FBXO10: variants seen among roughly 807,000 people sequenced by gnomAD.
FBXO10 encodes the protein F-box protein 10.
FBXO10 carries 39 observed loss-of-function variants against 80.7 expected under a neutral mutation model. The observed-to-expected ratio is 0.48, with a 90% confidence interval of 0.37 to 0.63. The LOEUF is 0.63. Ranked by LOEUF, FBXO10 falls within the 30% of genes least tolerant of loss-of-function variation. The probability of loss-of-function intolerance (pLI) is 0.00; values close to 1 mark genes in which losing one functional copy is unlikely to be tolerated. For synonymous variants in FBXO10, 449 were observed against 489.6 expected (o/e 0.92, Z 1.09); for missense variants, 1,025 against 1,269.0 (o/e 0.81, Z 2.92).
intron 1 of FBXO10, among the ~76,000 whole-genome samples, chr9:37,555,021 A>T (rs79775174): frequency 0.025 from 3,747 of 152,312 alleles, 66 homozygotes; most frequent in Middle Eastern, 0.068. Flanking sequence ...CCAAGAAAGA[A>T]TAAGAAACAC....
chr9:37,537,291 T>A lies in FBXO10; in HGVS notation c.1238A>T (p.Glu413Val), dbSNP rs1419995693. The A allele has an allele frequency of 1.2e-6, 2 of 1,613,188 alleles. No individual in the cohort carries two copies. Among genetic ancestry groups the A allele is most frequent in the African/African-American group, 1.3e-5 (1 of 74,924 alleles). The change falls in exon 3 of 11, where the codon GAG becomes GTG. Residue 413 changes from glutamate to valine, a missense_variant. This residue lies in a region of FBXO10 where 478 missense variants were observed against 667.8 expected (regional missense o/e 0.72). Transcript: ENST00000432825. Reference sequence around the variant, plus strand: ...CATGGCCTCCTTATCCTTCTGCAGCTCCTGCTGCAGTGAGTTCAGCACTAG... The same window carrying A: ...CATGGCCTCCTTATCCTTCTGCAGCACCTGCTGCAGTGAGTTCAGCACTAG... ...SCLVLNSLQQ[E>V]LQKDKEAMAL...
Position 37,525,160 on chromosome 9 carries a change from G to T in FBXO10, c.1719C>A (p.Ile573=). Residue 573 remains isoleucine, a synonymous_variant, in exon 6 of 11, where the codon ATC becomes ATA. Coordinates refer to ENST00000432825, the MANE Select transcript of FBXO10 (RefSeq NM_012166.3). ...HGNPVVSGNH[I]FKGRAAGIAV... is the part of the protein sequence containing the mutation. ...CTATGCCGGCAGCACGGCCCTTGAA[G>T]ATGTGGTTCCCGCTAAAGTGGAAGG... is the stretch of plus-strand genomic sequence containing the variant. 1 of 1,562,870 alleles carries T rather than the reference G, an allele frequency of 6.4e-7. No individual in the cohort carries two copies. The highest frequency in any genetic ancestry group is 8.7e-7 in the Non-Finnish European group (1 of 1,153,394).
chr9:37,543,145 G>A (rs1260572546), intron 1 of FBXO10, among the ~76,000 whole-genome samples: 1 of 152,178 alleles, frequency 6.6e-6, no homozygotes, highest in Non-Finnish European at 1.5e-5. Context: ...GTTATCCTGA[G>A]CAGTTAATTG....
intron 1 of FBXO10, among the ~76,000 whole-genome samples, chr9:37,562,966 G>C (rs1317165596): frequency 1.4e-5 from 2 of 147,728 alleles, no homozygotes; most frequent in Non-Finnish European, 3.0e-5. Flanking sequence ...GCCTGATATG[G>C]TTTGGCTGTG....
At chr9:37,545,298 T>A in intron 1 of FBXO10, among the ~76,000 whole-genome samples, 1 of 147,262 alleles carries the variant, frequency 6.8e-6, no homozygotes, top group East Asian at 2.2e-4. Flanking sequence ...TGCCTCAGCC[T>A]CCTGAGTAGC....
chr9:37,545,944 C>T (rs1040838563), intron 1 of FBXO10, among the ~76,000 whole-genome samples: 1 of 152,034 alleles, frequency 6.6e-6, no homozygotes, highest in Admixed American at 6.6e-5. Context: ...GTCGGGAGTT[C>T]AAGAACAGCC....
intron 1 of FBXO10, among the ~76,000 whole-genome samples, chr9:37,553,158 C>G (rs1054913163): frequency 2.0e-5 from 3 of 152,078 alleles, no homozygotes; most frequent in African/African-American, 7.2e-5. Context: ...TCTCCTGCCT[C>G]AGCCTCCCGA....
intron 10 of FBXO10, chr9:37,515,225 G>T (rs1821153414): frequency 6.6e-6 from 1 of 152,332 alleles, no homozygotes; most frequent in Admixed American, 6.5e-5. Flanking sequence ...GAAGCAACTG[G>T]AACAGCTGTG....
chr9:37,528,538 C>A (rs191641672), intron 5 of FBXO10, among the ~76,000 whole-genome samples: 65 of 152,284 alleles, frequency 4.3e-4, no homozygotes, highest in African/African-American at 1.6e-3. Flanking sequence ...CAAAGTCTGA[C>A]TCTGATGCTA....
chr9:37,571,140 T>C (rs1254013380), intron 1 of FBXO10, among the ~76,000 whole-genome samples: 3 of 152,066 alleles, frequency 2.0e-5, no homozygotes, highest in African/African-American at 7.2e-5. Context: ...AAAAATAAGA[T>C]TGCAAAGAAA....
At chr9:37,533,157 A>AAGTACAGTTG (rs1323481437) in intron 3 of FBXO10, among the ~76,000 whole-genome samples, 1 of 38,594 alleles carries the variant, frequency 2.6e-5, no homozygotes, top group Non-Finnish European at 5.5e-5. Flanking sequence ...TATGTTTAAT[A>AAGTACAGTTG]AGTACAGTTG....
At chr9:37,529,333 C>G in intron 4 of FBXO10, 73 bp from the exon 5 acceptor site, 1 of 1,502,660 alleles carries the variant, frequency 6.7e-7, no homozygotes, top group Non-Finnish European at 9.1e-7. Context: ...AGGTGCCGCC[C>G]ACACCTCCGC....
intron 1 of FBXO10, among the ~76,000 whole-genome samples, chr9:37,564,237 C>T (rs1822551228): frequency 6.6e-6 from 1 of 152,262 alleles, no homozygotes; most frequent in African/African-American, 2.4e-5. Flanking sequence ...GTATAGAAAC[C>T]TCTACTTAGA....
rs929789641 is a variant in FBXO10, at chr9:37,530,089, A to T, written c.1570-829T>A. The stretch of plus-strand genomic sequence containing the variant: ...AGTTTTTCTCTTTCCCATTCCAGTT[A>T]GTTGCTTTTGCACAGTGACTTAATA... On this transcript the variant is annotated intron_variant, in intron 4 of 10. Transcript: ENST00000432825. 3.9e-5 allele frequency among the ~76,000 whole-genome samples: 6 copies of T among 152,348 alleles called. No homozygotes were observed. The East Asian group carries it at 7.7e-4, about 20-fold the overall frequency.
At position 37,512,162 on chromosome 9, in the gene FBXO10, G is replaced by A. The variant is rs898021761; in HGVS notation, c.*385C>T. 6 of 159,310 alleles carry A rather than the reference G, an allele frequency of 3.8e-5. No individual in the cohort carries two copies. The highest frequency in any genetic ancestry group is 1.2e-4 in the African/African-American group (5 of 41,706). The allele number at this position is 159,310 out of a possible 1,614,324, so 9.9% of individuals were successfully genotyped here. A position where few individuals can be genotyped will look rare whatever the true frequency, so the allele number is the denominator to read the frequency against. ...GCAGTTGTCTCTCTCCACCTCACTA[G>A]AATCACTTCCCGCCATCAGAAGTAA... On this transcript the variant is annotated 3_prime_UTR_variant, in exon 11 of 11. Coordinates refer to ENST00000432825, the MANE Select transcript of FBXO10 (RefSeq NM_012166.3).
At chr9:37,575,296 C>G (rs909626152) in intron 1 of FBXO10, among the ~76,000 whole-genome samples, 10 of 152,014 alleles carry the variant, frequency 6.6e-5, no homozygotes, top group African/African-American at 2.4e-4. Context: ...AAAGGGGGCC[C>G]AGAATGAGAA....
chr9:37,521,445 G>A, intron 8 of FBXO10, 124 bp downstream of exon 8: 1 of 1,223,876 alleles, frequency 8.2e-7, no homozygotes, highest in Non-Finnish European at 1.1e-6. Flanking sequence ...ACCCAGGTTT[G>A]CATCTTTGAC....
rs1336417067 is a variant in FBXO10, at chr9:37,521,640, T to C, written c.2129A>G (p.Lys710Arg). 1 of 1,613,990 alleles carries C rather than the reference T, an allele frequency of 6.2e-7. No individual in the cohort carries two copies. Among genetic ancestry groups the C allele is most frequent in the Non-Finnish European group, 8.5e-7 (1 of 1,179,880 alleles). Reference protein sequence around the residue: ...DAILWETELEKEDDPLRRPIT... With the variant: ...DAILWETELEREDDPLRRPIT... ...GGGCCGGCGCAGTGGGTCGTCCTCC[T>C]TCTCCAGCTCTGTCTCCCAGAGGAT... The change falls in exon 8 of 11, where the codon AAG becomes AGG. Residue 710 changes from lysine (K) to arginine (R), a missense_variant. Around this residue, in one of 3 missense-constraint regions of FBXO10, gnomAD observed 478 missense variants for 667.8 expected, o/e 0.72. Transcript: ENST00000432825.
intron 8 of FBXO10, among the ~76,000 whole-genome samples, chr9:37,518,932 C>T (rs552757886): frequency 1.1e-4 from 15 of 141,672 alleles, no homozygotes; most frequent in Non-Finnish European, 1.5e-5. Context: ...TTTTTTGAGA[C>T]GGAGTCTCGC....
Sources: gnomAD v4.1 joint callset for allele counts (sites outside exome capture counted in the v4.1 genomes callset) on GRCh38, gnomAD v4.1.1 for gene constraint, gnomAD v4.1.1 regional missense constraint, MANE v1.5 for transcripts, NCBI Gene and HGNC (gene_info 2026-07-23, HGNC 2026-07-21) for gene names.